The following FBXL5 variants were observed in gnomAD, a reference collection of about 807,000 sequenced individuals.
FBXL5 encodes the protein F-box and leucine rich repeat protein 5, also known as F-box/LRR-repeat protein 5.
Under a neutral mutation model 78.3 loss-of-function variants are expected in FBXL5, and 26 were observed. The observed-to-expected ratio is 0.33, with a 90% CI of 0.24 to 0.46. FBXL5 has a LOEUF of 0.46. Among genes scored for constraint, FBXL5 ranks in the 20% least tolerant of loss-of-function variants. The pLI is 1.00. For synonymous variants in FBXL5, 295 were observed against 282.5 expected, an observed-to-expected ratio of 1.04 and a Z score of -0.45; for missense variants, 710 against 829.2, an observed-to-expected ratio of 0.86 and a Z score of 1.77.
rs553355182 is a variant in FBXL5 at position 15,615,341 on chromosome 4, C to T, written c.1851-2927G>A. Reference sequence around the variant, plus strand: ...TGGCAGGCAGCTCCACATGCAACCCCGGTGTGGGATCCACTGGGTGAAGCC... The same window carrying T: ...TGGCAGGCAGCTCCACATGCAACCCTGGTGTGGGATCCACTGGGTGAAGCC... On this transcript the variant is annotated intron_variant, in intron 9 of 10. Coordinates refer to ENST00000341285, the MANE Select transcript of FBXL5 (RefSeq NM_012161.4). Among the ~76,000 whole-genome samples, 58 of 152,190 alleles carry T rather than the reference C, an allele frequency of 3.8e-4. No individual in the cohort carries two copies. In the Middle Eastern group the frequency reaches 0.01, roughly 27 times the overall value.
At chr4:15,631,823 G>GTCAGA (rs1240875573) in intron 5 of FBXL5, among the ~76,000 whole-genome samples, 1 of 151,858 alleles carries the variant, frequency 6.6e-6, no homozygotes, top group African/African-American at 2.4e-5. Context: ...TTAGCCCTTT[G>GTCAGA]TCAGATGGGT....
intron 1 of FBXL5, among the ~76,000 whole-genome samples, chr4:15,653,721 A>G (rs1020529224): frequency 2.6e-5 from 4 of 152,170 alleles, no homozygotes; most frequent in Admixed American, 6.5e-5. Context: ...TAAAAACACT[A>G]TAATACTGCT....
chr4:15,607,680 T>C (rs1721980800), intron 10 of FBXL5, among the ~76,000 whole-genome samples: 1 of 152,076 alleles, frequency 6.6e-6, no homozygotes, highest in Admixed American at 6.6e-5. Context: ...CCCCTTACAC[T>C]GCCCACTGTT....
intron 1 of FBXL5, among the ~76,000 whole-genome samples, chr4:15,650,953 C>T (rs139618741): frequency 1.7e-3 from 256 of 152,224 alleles, no homozygotes; most frequent in African/African-American, 5.9e-3. Context: ...CTGTCTCAGA[C>T]ATTCTACAGT....
At chr4:15,677,053 C>T (rs976654973) in intron 1 of FBXL5, among the ~76,000 whole-genome samples, 2 of 152,126 alleles carry the variant, frequency 1.3e-5, no homozygotes, top group Non-Finnish European at 1.5e-5. Flanking sequence ...AGGTTTATTT[C>T]GGATATACCG....
At chr4:15,630,026 C>G (rs905347180) in intron 6 of FBXL5, among the ~76,000 whole-genome samples, 3 of 152,086 alleles carry the variant, frequency 2.0e-5, no homozygotes, top group Admixed American at 2.0e-4. Context: ...TCTCTCTGCA[C>G]AAGTATGACA....
At chr4:15,674,099 C>G (rs1717872017) in intron 1 of FBXL5, among the ~76,000 whole-genome samples, 1 of 152,164 alleles carries the variant, frequency 6.6e-6, no homozygotes, top group Middle Eastern at 3.4e-3. Context: ...TTCCAACACT[C>G]TGAATCAAAA....
upstream of FBXL5, among the ~76,000 whole-genome samples, chr4:15,663,419 C>T (rs1336881257): frequency 6.6e-6 from 1 of 152,134 alleles, no homozygotes; most frequent in Non-Finnish European, 1.5e-5. Context: ...AATGGTTTGA[C>T]CTGTTGTAGT....
intron 5 of FBXL5, among the ~76,000 whole-genome samples, chr4:15,636,119 AAGC>A (rs888953239): frequency 7.2e-5 from 11 of 152,198 alleles, no homozygotes; most frequent in African/African-American, 2.4e-4. Context: ...TAATTATTTA[AAGC>A]AGTTTTGAAA....
chr4:15,659,174 C>T (rs998382409), upstream of FBXL5, among the ~76,000 whole-genome samples: 1 of 152,080 alleles, frequency 6.6e-6, no homozygotes, highest in South Asian at 2.1e-4. Context: ...GTTTTAAGTA[C>T]CTGACATTAT....
At chr4:15,668,219 A>G (rs749530968) in intron 1 of FBXL5, among the ~76,000 whole-genome samples, 3 of 151,488 alleles carry the variant, frequency 2.0e-5, no homozygotes, top group Non-Finnish European at 4.4e-5. Flanking sequence ...GTAAATGGTC[A>G]GTTCATTTGT....
At position 15,625,242 on chromosome 4, in the gene FBXL5, G is replaced by A; in HGVS notation, c.1850+10C>T. 1 of 1,574,404 alleles carries A rather than the reference G, an allele frequency of 6.4e-7. No individual in the cohort carries two copies. Among genetic ancestry groups the A allele is most frequent in the Non-Finnish European group, 8.6e-7 (1 of 1,167,160 alleles). On this transcript the variant is annotated intron_variant, in intron 9 of 10. Transcript: ENST00000341285. Reference sequence around the variant, plus strand: ...GTCTATTTCTTAATATTCTGGAACTGATAACTCACCTGAGACCATGGTCTG... The same window carrying A: ...GTCTATTTCTTAATATTCTGGAACTAATAACTCACCTGAGACCATGGTCTG...
chr4:15,659,451 T>C (rs1294339933), upstream of FBXL5, among the ~76,000 whole-genome samples: 1 of 152,220 alleles, frequency 6.6e-6, no homozygotes, highest in Non-Finnish European at 1.5e-5. Flanking sequence ...GGGTACTGGG[T>C]AAGATTCAGT....
upstream of FBXL5, chr4:15,655,524 C>T (rs1716820133): frequency 3.1e-6 from 1 of 325,882 alleles, no homozygotes; most frequent in South Asian, 1.2e-4. Context: ...CGCCCCCACT[C>T]TTTTCGTTTT....
chr4:15,662,954 A>G (rs1328402848), upstream of FBXL5, among the ~76,000 whole-genome samples: 2 of 152,264 alleles, frequency 1.3e-5, no homozygotes, highest in South Asian at 2.1e-4. Flanking sequence ...ATAAAACAAT[A>G]GAGCATATTG....
chr4:15,666,224 C>T (rs1717538775), intron 1 of FBXL5, among the ~76,000 whole-genome samples: 1 of 152,034 alleles, frequency 6.6e-6, no homozygotes, highest in Non-Finnish European at 1.5e-5. Flanking sequence ...CATAAGTAGA[C>T]TCCACCACCA....
At chr4:15,606,189 G>C (rs1459109437) in intron 10 of FBXL5, among the ~76,000 whole-genome samples, 1 of 151,930 alleles carries the variant, frequency 6.6e-6, no homozygotes, top group Admixed American at 6.6e-5. Context: ...AACTATAATC[G>C]ATCAGCTAAA....
intron 1 of FBXL5, among the ~76,000 whole-genome samples, chr4:15,674,598 C>G (rs1278127069): frequency 1.3e-5 from 2 of 151,762 alleles, no homozygotes; most frequent in African/African-American, 4.8e-5. Flanking sequence ...CTTCTTTTCT[C>G]CTTATCAACT....
chr4:15,635,389 C>T (rs2148615940), intron 5 of FBXL5, among the ~76,000 whole-genome samples: 1 of 151,102 alleles, frequency 6.6e-6, no homozygotes, highest in South Asian at 2.1e-4. Context: ...TTAAATCAGA[C>T]TCATGATTTA....
Sources: allele counts gnomAD v4.1 joint callset (sites outside exome capture counted in the v4.1 genomes callset), GRCh38; gene constraint gnomAD v4.1.1; transcripts MANE v1.5; gene names NCBI Gene and HGNC (gene_info 2026-07-23, HGNC 2026-07-21).